Variants in ZSWIM5 observed in about 807,000 individuals in gnomAD.
The protein encoded by ZSWIM5 is zinc finger SWIM-type containing 5.
A neutral mutation model predicts 119.6 loss-of-function variants in ZSWIM5; 55 were observed. The observed-to-expected ratio is 0.46, with a 90% CI of 0.37 to 0.58. The LOEUF (loss-of-function observed/expected upper bound fraction) is 0.58, where lower values mean the gene tolerates loss of function less well. ZSWIM5 is among the 20% of genes least tolerant of loss of function. ZSWIM5 has a pLI of 0.00. For missense variants in ZSWIM5, 1,193 were observed against 1,512.8 expected (o/e 0.79, Z 3.51); for synonymous variants, 537 against 606.9 (o/e 0.88, Z 1.69).
intron 11 of ZSWIM5, among the ~76,000 whole-genome samples, chr1:45,033,624 A>T (rs1278994571): frequency 2.6e-5 from 4 of 152,046 alleles, no homozygotes; most frequent in African/African-American, 9.7e-5. Flanking sequence ...CAACTCTTAT[A>T]TCTGTAAGGA....
intron 1 of ZSWIM5, among the ~76,000 whole-genome samples, chr1:45,178,410 T>A (rs1209057140): frequency 2.0e-5 from 3 of 152,014 alleles, no homozygotes; most frequent in African/African-American, 7.2e-5. Context: ...GGTGATAGAG[T>A]GAGACTCCGT....
At chr1:45,182,770 A>G (rs1287607225) in intron 1 of ZSWIM5, among the ~76,000 whole-genome samples, 2 of 152,166 alleles carry the variant, frequency 1.3e-5, no homozygotes, top group African/African-American at 4.8e-5. Context: ...TGACCTACAA[A>G]GAGACTTAGA....
At chr1:45,203,052 GACATAGCTTTAA>G (rs1376481859) in intron 1 of ZSWIM5, among the ~76,000 whole-genome samples, 1 of 151,986 alleles carries the variant, frequency 6.6e-6, no homozygotes, top group Non-Finnish European at 1.5e-5. Context: ...TAAGTCTATT[GACATAGCTTTAA>G]ACTTACAGAC....
chr1:45,131,223 A>G (rs1645654635), intron 1 of ZSWIM5, among the ~76,000 whole-genome samples: 1 of 152,192 alleles, frequency 6.6e-6, no homozygotes, highest in Non-Finnish European at 1.5e-5. Flanking sequence ...TATAGTTTGA[A>G]GGTGTTATCA....
intron 1 of ZSWIM5, among the ~76,000 whole-genome samples, chr1:45,200,572 G>GA (rs996002061): frequency 6.6e-5 from 10 of 151,592 alleles, no homozygotes; most frequent in African/African-American, 2.4e-4. Context: ...TGGTGTGCAT[G>GA]AAAAAAAACC....
intron 4 of ZSWIM5, among the ~76,000 whole-genome samples, chr1:45,054,886 CATG>C (rs1414711662): frequency 6.6e-6 from 1 of 152,128 alleles, no homozygotes; most frequent in Non-Finnish European, 1.5e-5. Flanking sequence ...AGTGCAGTGG[CATG>C]ATCTCAGCTC....
intron 1 of ZSWIM5, among the ~76,000 whole-genome samples, chr1:45,170,715 G>A (rs1182737032): frequency 6.6e-6 from 1 of 151,834 alleles, no homozygotes; most frequent in East Asian, 1.9e-4. Context: ...AGGTGCACAG[G>A]TGCATGCCAC....
chr1:45,022,438 T>C lies in ZSWIM5; in HGVS notation c.2450-1650A>G, dbSNP rs575070165. Among the ~76,000 whole-genome samples, 74 of 152,274 alleles carry C rather than the reference T, an allele frequency of 4.9e-4. 1 individual carries two copies. The highest frequency in any genetic ancestry group is 4.6e-3 in the Admixed American group (71 of 15,302). On this transcript the variant is annotated intron_variant, in intron 11 of 13. Coordinates refer to ENST00000359600, the MANE Select transcript of ZSWIM5 (RefSeq NM_020883.2). ...AGCCACCGCACCTGACCTCTATGAT[T>C]CTATTTTTATAAAAAAAGATACATA...
At chr1:45,152,402 C>A (rs1278140039) in intron 1 of ZSWIM5, among the ~76,000 whole-genome samples, 1 of 152,074 alleles carries the variant, frequency 6.6e-6, no homozygotes, top group Admixed American at 6.6e-5. Flanking sequence ...AAAGCAGAAC[C>A]ATCAGGAGTT....
chr1:45,075,114 G>A (rs1570062854), intron 2 of ZSWIM5, among the ~76,000 whole-genome samples: 1 of 151,918 alleles, frequency 6.6e-6, no homozygotes, highest in Non-Finnish European at 1.5e-5. Context: ...TTTAAGACTT[G>A]TTTTGTAACT....
rs200792767 is a variant in ZSWIM5 at position 45,139,366 on chromosome 1, C to CT, written c.596-51130dup. ...GGCTAATTTCTCTTTCTTTTCTTTT[C>CT]TTTTTTTTTCTCTCTCTCTCTCCTC... is the stretch of plus-strand genomic sequence containing the variant. On this transcript the variant is annotated intron_variant, in intron 1 of 13. Coordinates refer to ENST00000359600, the MANE Select transcript of ZSWIM5 (RefSeq NM_020883.2). Among the ~76,000 whole-genome samples the CT allele has an allele frequency of 5.7e-4, 85 of 149,866 alleles. 1 individual carries two copies. Among genetic ancestry groups the CT allele is most frequent in the South Asian group, 3.4e-3 (16 of 4,658 alleles).
chr1:45,089,060 A>G (rs4415614), intron 1 of ZSWIM5, among the ~76,000 whole-genome samples: 6,686 of 152,250 alleles, frequency 0.044, 215 homozygotes, highest in East Asian at 0.11. Context: ...CCTGGGCTCA[A>G]GTGATCCTCC....
rs200355787 is a variant in ZSWIM5 at position 45,018,686 on chromosome 1, C to T, written c.3326G>A (p.Arg1109His). The T allele has an allele frequency of 2.5e-5, 41 of 1,614,092 alleles. No individual in the cohort carries two copies. The highest frequency in any genetic ancestry group is 4.0e-5 in the African/African-American group (3 of 74,930). Residue 1109 changes from arginine to histidine, a missense_variant, in exon 14 of 14, where the codon CGC (arginine) becomes CAC (histidine). This residue lies in a region of ZSWIM5 where 961 missense variants were observed against 1,290.0 expected (regional missense o/e 0.74). Transcript: ENST00000359600. This position sits in a 1 kb window ranked among gnomAD's most constrained non-coding sequence, Gnocchi z 6.7. ...KLMSTDKAPL[R>H]QLLDATINAY... ...ATTGATGGTGGCATCCAGCAACTGG[C>T]GCAATGGAGCTTTGTCAGTGGACAT...
rs112485510 is a variant in ZSWIM5 at position 45,137,132 on chromosome 1, G to T, written c.596-48895C>A. On this transcript the variant is annotated intron_variant, in intron 1 of 13. Transcript: ENST00000359600. ...TCTCACTGTGTCGGCCAGGCTAGAG[G>T]GCAAAGGTGCAATCATAGCTCATTG... 1.0e-2 allele frequency among the ~76,000 whole-genome samples: 1,517 copies of T among 152,110 alleles called. 30 individuals are homozygous for T. The highest frequency in any genetic ancestry group is 0.035 in the African/African-American group (1,456 of 41,490).
intron 1 of ZSWIM5, among the ~76,000 whole-genome samples, chr1:45,090,627 GTAAAA>G (rs1334767153): frequency 1.3e-5 from 2 of 151,844 alleles, no homozygotes; most frequent in African/African-American, 2.4e-5. Context: ...GCACAGTAAG[GTAAAA>G]TAAAATAAAA....
At chr1:45,054,606 A>G (rs956186698) in intron 4 of ZSWIM5, among the ~76,000 whole-genome samples, 1 of 152,062 alleles carries the variant, frequency 6.6e-6, no homozygotes, top group African/African-American at 2.4e-5. Flanking sequence ...AAAAATTTTA[A>G]AAGTATCAAA....
chr1:45,159,571 G>A (rs2149040817), intron 1 of ZSWIM5, among the ~76,000 whole-genome samples: 1 of 152,030 alleles, frequency 6.6e-6, no homozygotes, highest in Non-Finnish European at 1.5e-5. Flanking sequence ...ATCTGGAGAG[G>A]TTATTGAGAT....
chr1:45,091,224 A>C (rs1485603934), intron 1 of ZSWIM5, among the ~76,000 whole-genome samples: 1 of 152,232 alleles, frequency 6.6e-6, no homozygotes, highest in Non-Finnish European at 1.5e-5. Context: ...AAGAAAGTAC[A>C]TTCTTAATTT....
chr1:45,097,434 A>G (rs1348644079), intron 1 of ZSWIM5, among the ~76,000 whole-genome samples: 3 of 152,194 alleles, frequency 2.0e-5, no homozygotes, highest in Non-Finnish European at 4.4e-5. Context: ...AAAAAGCCTT[A>G]ACATTTATGG....
Sources: gnomAD v4.1 joint callset for allele counts (sites outside exome capture counted in the v4.1 genomes callset) on GRCh38, gnomAD v4.1.1 for gene constraint, gnomAD v4.1.1 regional missense constraint, Gnocchi (gnomAD v3.1) non-coding constraint, MANE v1.5 for transcripts, NCBI Gene and HGNC (gene_info 2026-07-23, HGNC 2026-07-21) for gene names.